Variants in CHCHD6 observed in about 807,000 individuals in gnomAD.
The protein encoded by CHCHD6 is coiled-coil-helix-coiled-coil-helix domain containing 6, also known as MICOS complex subunit MIC25.
CHCHD6 carries 28 observed loss-of-function variants against 32.3 expected under a neutral mutation model. That is an observed-to-expected ratio of 0.87 (90% CI 0.64 to 1.19). The LOEUF (loss-of-function observed/expected upper bound fraction) is 1.19, where lower values mean the gene tolerates loss of function less well. CHCHD6 is among the 50% of genes most tolerant of loss of function. CHCHD6 has a pLI of 0.00. For synonymous variants in CHCHD6, 122 were observed against 117.5 expected, an observed-to-expected ratio of 1.04 and a Z score of -0.25; for missense variants, 333 against 307.0, an observed-to-expected ratio of 1.08 and a Z score of -0.63.
intron 5 of CHCHD6, among the ~76,000 whole-genome samples, chr3:126,892,225 T>C (rs1240952003): frequency 2.0e-5 from 3 of 152,222 alleles, no homozygotes; most frequent in Non-Finnish European, 4.4e-5. Flanking sequence ...CTGAGTCCCA[T>C]GCTTGTACAG....
chr3:126,811,213 A>G (rs994155887), intron 4 of CHCHD6, among the ~76,000 whole-genome samples: 2 of 152,216 alleles, frequency 1.3e-5, no homozygotes, highest in African/African-American at 2.4e-5. Context: ...AAGAGCTAAC[A>G]AACTAAGCTA....
intron 5 of CHCHD6, among the ~76,000 whole-genome samples, chr3:126,911,389 C>T (rs941415418): frequency 6.6e-6 from 1 of 152,196 alleles, no homozygotes; most frequent in Non-Finnish European, 1.5e-5. Context: ...GGGTCCACTC[C>T]AGCAGCCTTG....
chr3:126,713,249 C>T (rs1216795534), intron 1 of CHCHD6, among the ~76,000 whole-genome samples: 8 of 152,088 alleles, frequency 5.3e-5, no homozygotes, highest in Non-Finnish European at 1.2e-4. Context: ...AGGAGTTGCC[C>T]GGGGAAAAGC....
chr3:126,955,533 G>T (rs1388432956), intron 6 of CHCHD6, among the ~76,000 whole-genome samples: 1 of 152,214 alleles, frequency 6.6e-6, no homozygotes, highest in Non-Finnish European at 1.5e-5. Flanking sequence ...GCCTCCCCTG[G>T]CAGGAAGGGG....
At chr3:126,952,254 C>G in intron 6 of CHCHD6, among the ~76,000 whole-genome samples, 1 of 152,108 alleles carries the variant, frequency 6.6e-6, no homozygotes, top group East Asian at 1.9e-4. Context: ...GGCATGGGGG[C>G]TGGAGAAGTT....
At chr3:126,879,140 T>C (rs2077576143) in intron 5 of CHCHD6, among the ~76,000 whole-genome samples, 2 of 152,208 alleles carry the variant, frequency 1.3e-5, no homozygotes, top group East Asian at 3.8e-4. Context: ...TGTTTTGCAG[T>C]CTAGCCTTGT....
intron 6 of CHCHD6, among the ~76,000 whole-genome samples, chr3:126,925,949 G>A (rs968422910): frequency 2.6e-5 from 4 of 152,150 alleles, no homozygotes; most frequent in Admixed American, 1.3e-4. Flanking sequence ...GCTTGGTGGC[G>A]GGCTCTGTGC....
At chr3:126,929,196 A>T (rs1319213138) in intron 6 of CHCHD6, among the ~76,000 whole-genome samples, 1 of 152,118 alleles carries the variant, frequency 6.6e-6, no homozygotes. Context: ...CAGACACCTG[A>T]CTTGGAGTCC....
chr3:126,853,183 T>A (rs911443103), intron 5 of CHCHD6, among the ~76,000 whole-genome samples: 3 of 151,394 alleles, frequency 2.0e-5, no homozygotes, highest in Non-Finnish European at 4.4e-5. Context: ...GCACTACGGC[T>A]GCACACTCAC....
intron 6 of CHCHD6, among the ~76,000 whole-genome samples, chr3:126,933,456 A>T (rs1320324469): frequency 3.3e-5 from 5 of 152,226 alleles, no homozygotes; most frequent in Admixed American, 1.3e-4. Flanking sequence ...TATTTGGCTC[A>T]TGGTCCTACA....
At chr3:126,851,991 G>A (rs1489246048) in intron 4 of CHCHD6, among the ~76,000 whole-genome samples, 1 of 152,198 alleles carries the variant, frequency 6.6e-6, no homozygotes, top group Non-Finnish European at 1.5e-5. Flanking sequence ...GATCTGGAGG[G>A]AGGGCCCTTG....
chr3:126,863,846 C>G (rs1177687607), intron 5 of CHCHD6, among the ~76,000 whole-genome samples: 2 of 148,516 alleles, frequency 1.3e-5, no homozygotes, highest in African/African-American at 4.9e-5. Context: ...ACCTCCTCCT[C>G]CACCATCAAC....
intron 5 of CHCHD6, among the ~76,000 whole-genome samples, chr3:126,897,840 T>C (rs1250824256): frequency 6.6e-6 from 1 of 152,184 alleles, no homozygotes; most frequent in African/African-American, 2.4e-5. Context: ...TGCCTGGCAC[T>C]TTATGGGCAT....
At chr3:126,767,280 G>A in intron 4 of CHCHD6, 2 of 1,247,982 alleles carry the variant, frequency 1.6e-6, no homozygotes, top group Non-Finnish European at 2.4e-6. Flanking sequence ...CCAAGGCCCA[G>A]CTGCCCCATC....
At chr3:126,870,546 C>CCCAA (rs2077451863) in intron 5 of CHCHD6, among the ~76,000 whole-genome samples, 2 of 152,070 alleles carry the variant, frequency 1.3e-5, no homozygotes, top group Non-Finnish European at 2.9e-5. Flanking sequence ...GGCTGGATGG[C>CCCAA]GCTGTGCTGT....
intron 5 of CHCHD6, among the ~76,000 whole-genome samples, chr3:126,866,117 C>A (rs1942283682): frequency 6.6e-6 from 1 of 152,092 alleles, no homozygotes; most frequent in African/African-American, 2.4e-5. Context: ...GGCTTTCAGA[C>A]TCTACTTCTG....
At chr3:126,735,517 G>C (rs1363207675) in intron 4 of CHCHD6, among the ~76,000 whole-genome samples, 2 of 152,198 alleles carry the variant, frequency 1.3e-5, no homozygotes, top group Non-Finnish European at 1.5e-5. Context: ...TTTTGGGAGT[G>C]TTCCTGTTTC....
At chr3:126,925,608 G>A (rs540814943) in intron 6 of CHCHD6, among the ~76,000 whole-genome samples, 1 of 152,292 alleles carries the variant, frequency 6.6e-6, no homozygotes, top group East Asian at 1.9e-4. Context: ...CTCTGCCACA[G>A]CATCAGTGTT....
intron 4 of CHCHD6, among the ~76,000 whole-genome samples, chr3:126,844,405 A>G (rs1941215183): frequency 6.6e-6 from 1 of 152,212 alleles, no homozygotes; most frequent in South Asian, 2.1e-4. Flanking sequence ...ATAAGTACCT[A>G]TACATTTAGA....
Sources: gnomAD v4.1 joint callset for allele counts (sites outside exome capture counted in the v4.1 genomes callset) on GRCh38, gnomAD v4.1.1 for gene constraint, MANE v1.5 for transcripts, NCBI Gene and HGNC (gene_info 2026-07-23, HGNC 2026-07-21) for gene names.